The following SLC10A1 variants were observed in gnomAD, a reference collection of about 807,000 sequenced individuals.
SLC10A1 encodes solute carrier family 10 member 1, also known as hepatic sodium/bile acid cotransporter.
SLC10A1 carries 36 observed loss-of-function variants against 20.5 expected under a neutral mutation model. The observed-to-expected ratio is 1.75, with a 90% confidence interval of 1.34 to 2.32. The LOEUF (loss-of-function observed/expected upper bound fraction) is 2.32. Among genes scored for constraint, SLC10A1 ranks in the 30% most tolerant of loss-of-function variants. SLC10A1 has a pLI of 0.00. For synonymous variants in SLC10A1, 188 were observed against 163.6 expected (o/e 1.15, Z -1.14); for missense variants, 545 against 439.1 (o/e 1.24, Z -2.16).
At chr14:69,782,370 G>C (rs1883612376) in intron 2 of SLC10A1, among the ~76,000 whole-genome samples, 1 of 152,182 alleles carries the variant, frequency 6.6e-6, no homozygotes, top group South Asian at 2.1e-4. Context: ...ATTGAGTAGT[G>C]AATGTGCAAC....
chr14:69,775,582 AAAG>A lies in SLC10A1; in HGVS notation c.*697_*699del, dbSNP rs1883427945. ...AAACCAAATACCTACTGAACTTAAA[AAAG>A]AGATTATTAGTGAGGTAACATTGTG... On this transcript the variant is annotated 3_prime_UTR_variant, in exon 5 of 5. Transcript: ENST00000216540. 6.6e-6 allele frequency: 1 copy of A among 152,210 alleles called. No homozygotes were observed. The highest frequency in any genetic ancestry group is 6.5e-5 in the Admixed American group (1 of 15,286). The allele number at this position is 152,210 out of a possible 1,614,324, so 9.4% of individuals were successfully genotyped here.
intron 1 of SLC10A1, among the ~76,000 whole-genome samples, chr14:69,794,029 G>A (rs143300398): frequency 2.1e-3 from 316 of 152,242 alleles, no homozygotes; most frequent in African/African-American, 7.3e-3. Context: ...AGTGGAGGGA[G>A]ACACAGTTTC....
At position 69,779,321 on chromosome 14, in the gene SLC10A1, T is replaced by G. The variant is rs748057880; in HGVS notation, c.607A>C (p.Thr203Pro). 1.8e-5 allele frequency: 29 copies of G among 1,613,838 alleles called. No homozygotes were observed. The highest frequency in any genetic ancestry group is 4.0e-5 in the African/African-American group (3 of 74,834). The change falls in exon 3 of 5, where the codon ACA (threonine) becomes CCA (proline). Residue 203 changes from threonine to proline, a missense_variant. Physicochemically the swap from Thr to Pro is conservative, Grantham distance 38 (BLOSUM62 -1). Coordinates refer to ENST00000216540, the MANE Select transcript of SLC10A1 (RefSeq NM_003049.4). Reference sequence around the variant, plus strand: ...CCCACATTGATGGCAGAGAGAACTGTGACGGCCACACTGCACAAGAGAATG... The same window carrying G: ...CCCACATTGATGGCAGAGAGAACTGGGACGGCCACACTGCACAAGAGAATG... The part of the protein sequence containing the change: ...IIILLCSVAV[T>P]VLSAINVGKS...
At chr14:69,794,377 T>A (rs1018732773) in intron 1 of SLC10A1, among the ~76,000 whole-genome samples, 24 of 152,212 alleles carry the variant, frequency 1.6e-4, no homozygotes, top group African/African-American at 5.5e-4. Context: ...GTGGAAATGC[T>A]GACCTGGAAG....
At position 69,796,928 on chromosome 14, in the gene SLC10A1, G is replaced by GGCCGTGAGGGGCA. The variant is rs1353469674; in HGVS notation, c.215_227dup (p.Phe77AlafsTer17). The GGCCGTGAGGGGCA allele has an allele frequency of 6.2e-7, 1 of 1,614,190 alleles. No individual in the cohort carries two copies. Among genetic ancestry groups the GGCCGTGAGGGGCA allele is most frequent in the East Asian group, 2.2e-5 (1 of 44,876 alleles). The stretch of plus-strand genomic sequence containing the variant: ...GCCGGAAGACCTTGCCCAGCACAAA[G>GGCCGTGAGGGGCA]GCCGTGAGGGGCATGATGCCATACT... On this transcript the variant is annotated frameshift_variant, in exon 1 of 5. Coordinates refer to ENST00000216540, the MANE Select transcript of SLC10A1 (RefSeq NM_003049.4). LOFTEE classifies it high-confidence loss of function.
intron 2 of SLC10A1, among the ~76,000 whole-genome samples, chr14:69,783,230 A>G (rs1052045290): frequency 6.6e-6 from 1 of 152,154 alleles, no homozygotes; most frequent in Non-Finnish European, 1.5e-5. Flanking sequence ...CTCAGGCATT[A>G]GCTATGGGGG....
At chr14:69,791,580 G>A (rs1282719995) in intron 1 of SLC10A1, among the ~76,000 whole-genome samples, 2 of 152,334 alleles carry the variant, frequency 1.3e-5, no homozygotes, top group South Asian at 2.1e-4. Flanking sequence ...GATTACAGGC[G>A]TGAGCCACTG....
At chr14:69,779,423 GAAGCACAGGTAGAAATTGGAGGTGGGA>G (rs1350111586) in intron 2 of SLC10A1, 63 bp from the exon 3 acceptor site, 36 of 1,357,720 alleles carry the variant, frequency 2.7e-5, no homozygotes, top group Non-Finnish European at 3.2e-5. Flanking sequence ...CAGAGGTGGG[GAAGCACAGGTAGAAATTGGAGGTGGGA>G]AACATTGCAA....
intron 1 of SLC10A1, among the ~76,000 whole-genome samples, chr14:69,794,523 A>C (rs1482162789): frequency 2.0e-5 from 3 of 152,210 alleles, no homozygotes; most frequent in Non-Finnish European, 4.4e-5. Flanking sequence ...GGAGGATCAC[A>C]TATACTTATC....
intron 1 of SLC10A1, among the ~76,000 whole-genome samples, chr14:69,791,487 A>G (rs531832129): frequency 6.6e-6 from 1 of 152,134 alleles, no homozygotes; most frequent in South Asian, 2.1e-4. Flanking sequence ...TTTTTAGGAG[A>G]GACGGGGTTT....
intron 1 of SLC10A1, among the ~76,000 whole-genome samples, chr14:69,786,610 T>C (rs1883720827): frequency 6.6e-6 from 1 of 152,138 alleles, no homozygotes; most frequent in African/African-American, 2.4e-5. Flanking sequence ...GCCATTCTGA[T>C]CTCCTTCTCT....
At chr14:69,778,614 G>A (rs1163429785) in intron 3 of SLC10A1, 85 bp from the exon 4 acceptor site, 11 of 1,187,734 alleles carry the variant, frequency 9.3e-6, no homozygotes, top group African/African-American at 3.1e-5. Flanking sequence ...AAAGAGTTTC[G>A]CAGCAGATGG....
In SLC10A1 at chr14:69,786,283, G is replaced by C. The variant is rs1312654514; in HGVS notation, c.381C>G (p.Thr127=). Residue 127 remains threonine, a synonymous_variant, in exon 2 of 5, where the codon ACC becomes ACG. Coordinates refer to ENST00000216540, the MANE Select transcript of SLC10A1 (RefSeq NM_003049.4). ...GAGGCATCATGCCAAGGGCACAGAA[G>C]GTGGAGCAGGTGGTCATCACAATGC... The part of the protein sequence containing the change: ...NLSIVMTTCS[T]FCALGMMPLL... The C allele has an allele frequency of 1.2e-6, 2 of 1,613,998 alleles. No individual in the cohort carries two copies. The highest frequency in any genetic ancestry group is 1.3e-5 in the African/African-American group (1 of 74,898).
chr14:69,779,034 G>T (rs1594760322), intron 3 of SLC10A1, 148 bp downstream of exon 3: 2 of 593,704 alleles, frequency 3.4e-6, no homozygotes, highest in Non-Finnish European at 2.9e-6. Flanking sequence ...GGTGGCTTGT[G>T]CCTATAGTCC....
Position 69,779,310 on chromosome 14 carries a change from A to C in SLC10A1, c.618T>G (p.Ser206=), listed in dbSNP as rs375859965. 5.0e-6 allele frequency: 8 copies of C among 1,613,972 alleles called. No individual in the cohort carries two copies. Among genetic ancestry groups the C allele is most frequent in the Non-Finnish European group, 6.8e-6 (8 of 1,179,886 alleles). Residue 206 remains serine, a synonymous_variant, in exon 3 of 5, where the codon TCT becomes TCG. Coordinates refer to ENST00000216540, the MANE Select transcript of SLC10A1 (RefSeq NM_003049.4). ...LLCSVAVTVL[S]AINVGKSIMF... ...TGATGCTCTTCCCCACATTGATGGC[A>C]GAGAGAACTGTGACGGCCACACTGC... is the stretch of plus-strand genomic sequence containing the variant.
In SLC10A1 at chr14:69,778,549, C is replaced by T. The variant is rs894337988; in HGVS notation, c.747-20G>A. On this transcript the variant is annotated intron_variant, in intron 3 of 4. Coordinates refer to ENST00000216540, the MANE Select transcript of SLC10A1 (RefSeq NM_003049.4). Reference sequence around the variant, plus strand: ...CTGCACCTGTGCCGGTGAAGAAAACCCCACATACACTCAGAGGGAACTGGA... The same window carrying T: ...CTGCACCTGTGCCGGTGAAGAAAACTCCACATACACTCAGAGGGAACTGGA... 1.3e-6 allele frequency: 2 copies of T among 1,570,482 alleles called. No individual in the cohort carries two copies. The highest frequency in any genetic ancestry group is 1.4e-5 in the African/African-American group (1 of 71,878).
rs767125199 is a variant in SLC10A1 at position 69,779,297 on chromosome 14, C to T, written c.631G>A (p.Gly211Arg). 6.2e-7 allele frequency: 1 copy of T among 1,613,902 alleles called. No individual in the cohort carries two copies. The highest frequency in any genetic ancestry group is 1.7e-5 in the Admixed American group (1 of 60,008). The change falls in exon 3 of 5, where the codon GGG (glycine) becomes AGG (arginine). Residue 211 changes from glycine to arginine, a missense_variant. Gly to Arg is a moderately radical substitution (Grantham distance 125, BLOSUM62 -2). Transcript: ENST00000216540. The stretch of plus-strand genomic sequence containing the variant: ...GTCATGGCAAACATGATGCTCTTCC[C>T]CACATTGATGGCAGAGAGAACTGTG... ...AVTVLSAINV[G>R]KSIMFAMTPL...
intron 1 of SLC10A1, among the ~76,000 whole-genome samples, chr14:69,793,854 C>T (rs1321881754): frequency 1.3e-5 from 2 of 152,172 alleles, no homozygotes; most frequent in African/African-American, 2.4e-5. Flanking sequence ...ACTGTGAGGG[C>T]GTTTTCTCTT....
chr14:69,779,833 A>C, intron 2 of SLC10A1, among the ~76,000 whole-genome samples: 1 of 128,722 alleles, frequency 7.8e-6, no homozygotes, highest in East Asian at 2.0e-4. Flanking sequence ...CAAAATGGAT[A>C]TTATTTAAAA....
Sources: allele counts gnomAD v4.1 joint callset (sites outside exome capture counted in the v4.1 genomes callset), GRCh38; gene constraint gnomAD v4.1.1; transcripts MANE v1.5; gene names NCBI Gene and HGNC (gene_info 2026-07-23, HGNC 2026-07-21).